The following OR51E1 variants were observed in gnomAD, a reference collection of about 807,000 sequenced individuals.
OR51E1 encodes the protein olfactory receptor 51E1.
Under a neutral mutation model 11.5 loss-of-function variants are expected in OR51E1, and 9 were observed. The ratio of observed to expected loss-of-function variants is 0.78; its 90% CI spans 0.47 to 1.37. The LOEUF is 1.37. Ranked by LOEUF, OR51E1 falls within the 40% of genes most tolerant of loss-of-function variation. The probability of loss-of-function intolerance (pLI) is 0.00; values close to 1 mark genes in which losing one functional copy is unlikely to be tolerated. For missense variants in OR51E1, 397 were observed against 410.2 expected (o/e 0.97, Z 0.28); for synonymous variants, 168 against 158.3 (o/e 1.06, Z -0.46).
intron 1 of OR51E1, among the ~76,000 whole-genome samples, chr11:4,647,111 G>A (rs529941874): frequency 2.8e-4 from 43 of 152,246 alleles, no homozygotes; most frequent in Non-Finnish European, 1.3e-4. Flanking sequence ...CCAGCAGATT[G>A]AATTAAACAC....
At chr11:4,649,490 C>T (rs1847068547) in intron 1 of OR51E1, among the ~76,000 whole-genome samples, 2 of 152,148 alleles carry the variant, frequency 1.3e-5, no homozygotes, top group African/African-American at 4.8e-5. Context: ...TCATAGGGAT[C>T]ATGGTGAGGA....
At chr11:4,644,155 G>A (rs1037356929) in intron 1 of OR51E1, 125 bp downstream of exon 1, 8 of 152,836 alleles carry the variant, frequency 5.2e-5, no homozygotes, top group Admixed American at 2.6e-4. Context: ...AGATGTGTAG[G>A]AAGCCCCTGA....
rs143137203 is a variant in OR51E1, at chr11:4,653,043, C to T, written c.517C>T (p.Arg173Cys). ...PVFIKQLPFC[R>C]SNILSHSYCL... ...CTTCATCAAGCAGCTGCCCTTCTGC[C>T]GCTCCAATATCCTTTCCCATTCCTA... Residue 173 changes from arginine (R) to cysteine (C), a missense_variant, in exon 2 of 2, where the codon CGC becomes TGC. Physicochemically the swap from Arg to Cys is radical, Grantham distance 180 (BLOSUM62 -3). Transcript: ENST00000396952. 349 of 1,612,050 alleles carry T rather than the reference C, an allele frequency of 2.2e-4. No homozygotes were observed. The highest frequency in any genetic ancestry group is 2.8e-4 in the Non-Finnish European group (327 of 1,178,488).
chr11:4,648,104 C>T (rs993149979), intron 1 of OR51E1, among the ~76,000 whole-genome samples: 1 of 152,176 alleles, frequency 6.6e-6, no homozygotes, highest in Non-Finnish European at 1.5e-5. Context: ...TCCATCCATT[C>T]ATTTCTCTCC....
In OR51E1 at chr11:4,652,595, A is replaced by C; in HGVS notation, c.69A>C (p.Leu23Phe). The part of the protein sequence containing the change: ...TYFILIGLPG[L>F]EEAQFWLAFP... ...TCATCCTAATAGGCCTCCCTGGTTTAGAAGAGGCTCAGTTCTGGTTGGCCT... is the reference window on the plus strand; with the variant it reads ...TCATCCTAATAGGCCTCCCTGGTTTCGAAGAGGCTCAGTTCTGGTTGGCCT... The change falls in exon 2 of 2, where the codon TTA (leucine) becomes TTC (phenylalanine). Residue 23 changes from leucine (L) to phenylalanine (F), a missense_variant. Physicochemically the swap from Leu to Phe is conservative, Grantham distance 22 (BLOSUM62 0). Coordinates refer to ENST00000396952, the MANE Select transcript of OR51E1 (RefSeq NM_152430.4). The C allele has an allele frequency of 6.2e-7, 1 of 1,614,162 alleles. No individual in the cohort carries two copies.
Position 4,654,423 on chromosome 11 carries a change from C to G in OR51E1, c.*940C>G, listed in dbSNP as rs1847143339. The G allele has an allele frequency of 6.0e-6, 1 of 167,222 alleles. No individual in the cohort carries two copies. The highest frequency in any genetic ancestry group is 2.1e-4 in the South Asian group (1 of 4,826). The allele number at this position is 167,222 out of a possible 1,614,324, so 10.4% of individuals were successfully genotyped here. The stretch of plus-strand genomic sequence containing the variant: ...AATCCCACTAGCTATTGCTTATTGT[C>G]CTGGTCCAATTGCCAATTACCTGTG... On this transcript the variant is annotated 3_prime_UTR_variant, in exon 2 of 2. Transcript: ENST00000396952.
At position 4,653,162 on chromosome 11, in the gene OR51E1, G is replaced by T. The variant is rs1318583373; in HGVS notation, c.636G>T (p.Leu212=). The T allele has an allele frequency of 6.8e-6, 11 of 1,613,996 alleles. No individual in the cohort carries two copies. Among genetic ancestry groups the T allele is most frequent in the Non-Finnish European group, 8.5e-6 (10 of 1,179,894 alleles). ...TCGTCATCATCTCCGCCATTGGCCT[G>T]GACTCACTTCTCATCTCCTTCTCAT... ...GLIVIISAIG[L]DSLLISFSYL... The change falls in exon 2 of 2, where the codon CTG becomes CTT. Residue 212 remains leucine (L), a synonymous_variant. Coordinates refer to ENST00000396952, the MANE Select transcript of OR51E1 (RefSeq NM_152430.4).
rs1391454274 is a variant in OR51E1 at position 4,653,293 on chromosome 11, C to T, written c.767C>T (p.Pro256Leu). Residue 256 changes from proline to leucine, a missense_variant, in exon 2 of 2, where the codon CCT (proline) becomes CTT (leucine). Physicochemically the swap from Pro to Leu is moderately conservative, Grantham distance 98 (BLOSUM62 -3). Coordinates refer to ENST00000396952, the MANE Select transcript of OR51E1 (RefSeq NM_152430.4). ...HVCAVFIFYV[P>L]FIGLSMVHRF... ...TGTGCTGTGTTCATATTCTATGTAC[C>T]TTTCATTGGATTGTCCATGGTGCAT... 6.2e-7 allele frequency: 1 copy of T among 1,614,012 alleles called. No individual in the cohort carries two copies. The highest frequency in any genetic ancestry group is 8.5e-7 in the Non-Finnish European group (1 of 1,180,024).
Position 4,652,991 on chromosome 11 carries a change from G to T in OR51E1, c.465G>T (p.Gly155=). The change falls in exon 2 of 2, where the codon GGG becomes GGT. Residue 155 remains glycine, a synonymous_variant. Coordinates refer to ENST00000396952, the MANE Select transcript of OR51E1 (RefSeq NM_152430.4). ...TTGGTGTGGCTGCTGTGGTGCGGGG[G>T]GCTGCACTGATGGCACCCCTTCCTG... The part of the protein sequence containing the change: ...TKIGVAAVVR[G]AALMAPLPVF... 1 of 1,605,304 alleles carries T rather than the reference G, an allele frequency of 6.2e-7. No homozygotes were observed.
intron 1 of OR51E1, among the ~76,000 whole-genome samples, chr11:4,651,291 A>G (rs1847094160): frequency 6.6e-6 from 1 of 152,154 alleles, no homozygotes; most frequent in African/African-American, 2.4e-5. Flanking sequence ...CTAGAAGCAG[A>G]ACCTGAGGTG....
intron 1 of OR51E1, among the ~76,000 whole-genome samples, chr11:4,648,523 C>T (rs910626768): frequency 8.5e-5 from 13 of 152,196 alleles, no homozygotes; most frequent in African/African-American, 1.9e-4. Flanking sequence ...ATTTATTTAG[C>T]GCCAAGACTT....
chr11:4,647,286 T>C (rs1258358127), intron 1 of OR51E1, among the ~76,000 whole-genome samples: 1 of 152,142 alleles, frequency 6.6e-6, no homozygotes, highest in Admixed American at 6.5e-5. Flanking sequence ...TCAGAAGAGA[T>C]AGGGCTAATA....
At chr11:4,650,747 A>G (rs1012578102) in intron 1 of OR51E1, among the ~76,000 whole-genome samples, 9 of 152,116 alleles carry the variant, frequency 5.9e-5, no homozygotes, top group African/African-American at 2.2e-4. Flanking sequence ...AATCTATGTA[A>G]AAACTACAAT....
Position 4,653,460 on chromosome 11 carries a change from G to A in OR51E1, c.934G>A (p.Ala312Thr). ...GCGCATCCTTCGACTTTTCCATGTGGCCACACACGCTTCAGAGCCCTAGGT... is the reference window on the plus strand; with the variant it reads ...GCGCATCCTTCGACTTTTCCATGTGACCACACACGCTTCAGAGCCCTAGGT... ...RQRILRLFHV[A>T]THASEP Residue 312 changes from alanine (A) to threonine (T), a missense_variant, in exon 2 of 2, where the codon GCC (alanine) becomes ACC (threonine). By Grantham distance (58) the Ala-to-Thr change is moderately conservative. Transcript: ENST00000396952. 1 of 1,610,834 alleles carries A rather than the reference G, an allele frequency of 6.2e-7. No individual in the cohort carries two copies.
intron 1 of OR51E1, among the ~76,000 whole-genome samples, chr11:4,649,099 C>A (rs944652979): frequency 1.3e-5 from 2 of 152,034 alleles, no homozygotes; most frequent in African/African-American, 4.8e-5. Context: ...TTTCATCTTC[C>A]AAAACATTAA....
chr11:4,650,724 C>G (rs1847083923), intron 1 of OR51E1, among the ~76,000 whole-genome samples: 1 of 152,098 alleles, frequency 6.6e-6, no homozygotes, highest in Non-Finnish European at 1.5e-5. Flanking sequence ...AGCTCTCAAA[C>G]ATTCAAGGGC....
At chr11:4,646,101 C>A (rs1706543207) in intron 1 of OR51E1, among the ~76,000 whole-genome samples, 1 of 152,222 alleles carries the variant, frequency 6.6e-6, no homozygotes, top group Admixed American at 6.5e-5. Flanking sequence ...CCTTCCCTCT[C>A]TGTGCCTGGG....
Position 4,655,241 on chromosome 11 carries a change from A to G in OR51E1, c.*1758A>G, listed in dbSNP as rs151063842. ...TATTAAATTCTGGCCATTACTTCCAATGTGAGTGGAAGTGACATGTGCAAT... is the reference window on the plus strand; with the variant it reads ...TATTAAATTCTGGCCATTACTTCCAGTGTGAGTGGAAGTGACATGTGCAAT... On this transcript the variant is annotated 3_prime_UTR_variant, in exon 2 of 2. Transcript: ENST00000396952. 6.0e-6 allele frequency: 1 copy of G among 167,194 alleles called. No individual in the cohort carries two copies. Among genetic ancestry groups the G allele is most frequent in the East Asian group, 1.9e-4 (1 of 5,186 alleles). 10.4% of individuals were successfully genotyped at this position (167,194 alleles called of 1,614,324 possible). A position where few individuals can be genotyped will look rare whatever the true frequency, so the allele number is the denominator to read the frequency against.
chr11:4,645,784 G>A (rs1380600568), intron 1 of OR51E1, among the ~76,000 whole-genome samples: 1 of 152,120 alleles, frequency 6.6e-6, no homozygotes, highest in Non-Finnish European at 1.5e-5. Context: ...ATTTTAGGTG[G>A]TCAGGCTGAC....
Sources: allele counts gnomAD v4.1 joint callset (sites outside exome capture counted in the v4.1 genomes callset), GRCh38; gene constraint gnomAD v4.1.1; transcripts MANE v1.5; gene names NCBI Gene and HGNC (gene_info 2026-07-23, HGNC 2026-07-21).